IL1RAPL2: variants seen among roughly 807,000 people sequenced by gnomAD.
IL1RAPL2 encodes X-linked interleukin-1 receptor accessory protein-like 2.
IL1RAPL2 carries 3 observed loss-of-function variants against 44.1 expected under a neutral mutation model. The ratio of observed to expected loss-of-function variants is 0.07; its 90% confidence interval spans 0.03 to 0.18. The LOEUF (loss-of-function observed/expected upper bound fraction) is 0.18, where lower values mean the gene tolerates loss of function less well. IL1RAPL2 is among the 10% of genes least tolerant of loss of function. The pLI, the probability that IL1RAPL2 is intolerant of heterozygous loss-of-function variation, is 1.00. For synonymous variants in IL1RAPL2, 181 were observed against 178.8 expected (o/e 1.01, Z -0.10); for missense variants, 391 against 496.4 (o/e 0.79, Z 2.02).
chrX:105,297,270 G>T (rs1158309217), intron 5 of IL1RAPL2, among the ~76,000 whole-genome samples: 1 of 111,795 alleles, frequency 8.9e-6, no homozygotes, highest in Non-Finnish European at 1.9e-5. Context: ...AGTAATAAAA[G>T]ATGAGGCCAG....
At chrX:105,438,230 A>C (rs1431010536) in intron 5 of IL1RAPL2, among the ~76,000 whole-genome samples, 1 of 111,750 alleles carries the variant, frequency 8.9e-6, no homozygotes, top group Non-Finnish European at 1.9e-5. Flanking sequence ...GCAATGGCAC[A>C]GAGGTTGATG....
chrX:105,132,162 G>GAAAAAAA (rs764917479), intron 2 of IL1RAPL2, among the ~76,000 whole-genome samples: 1 of 90,388 alleles, frequency 1.1e-5, no homozygotes, highest in Non-Finnish European at 2.3e-5. Flanking sequence ...AAAGAATCAA[G>GAAAAAAA]AAAAAAAAAA....
intron 2 of IL1RAPL2, among the ~76,000 whole-genome samples, chrX:104,981,952 T>C (rs1159877392): frequency 9.0e-6 from 1 of 110,532 alleles, no homozygotes; most frequent in African/African-American, 3.3e-5. Context: ...TTACAATGGA[T>C]GCAAAGAAGG....
intron 2 of IL1RAPL2, among the ~76,000 whole-genome samples, chrX:105,185,441 A>G (rs1333834304): frequency 8.9e-6 from 1 of 112,026 alleles, no homozygotes; most frequent in East Asian, 2.8e-4. Flanking sequence ...AGACTTTCCA[A>G]GTGATCACAT....
chrX:104,891,186 G>C (rs1923426857), intron 2 of IL1RAPL2, among the ~76,000 whole-genome samples: 1 of 111,811 alleles, frequency 8.9e-6, no homozygotes, highest in African/African-American at 3.3e-5. Flanking sequence ...GTACCATGCT[G>C]TTTTGGTTAC....
At chrX:104,806,654 G>T (rs1484539748) in intron 2 of IL1RAPL2, among the ~76,000 whole-genome samples, 1 of 112,871 alleles carries the variant, frequency 8.9e-6, no homozygotes, top group African/African-American at 3.2e-5. Context: ...CACTTGCCAT[G>T]GGGCTGGCTT....
At chrX:105,473,744 T>A in intron 5 of IL1RAPL2, among the ~76,000 whole-genome samples, 1 of 111,991 alleles carries the variant, frequency 8.9e-6, no homozygotes, top group Non-Finnish European at 1.9e-5. Flanking sequence ...ACCTGCCCAA[T>A]CTAGTCAAAT....
chrX:105,491,183 A>G (rs768512666), intron 6 of IL1RAPL2, among the ~76,000 whole-genome samples: 1 of 111,856 alleles, frequency 8.9e-6, no homozygotes, highest in Non-Finnish European at 1.9e-5. Flanking sequence ...ATGTCAAACT[A>G]GAATTATTGT....
At chrX:104,945,462 A>G (rs1347669808) in intron 2 of IL1RAPL2, among the ~76,000 whole-genome samples, 2 of 111,008 alleles carry the variant, frequency 1.8e-5, no homozygotes, top group African/African-American at 6.5e-5. Flanking sequence ...TAACTAAGAA[A>G]ATGTTTAAAT....
rs776355978 is a variant in IL1RAPL2, at chrX:104,840,675, CT to C, written c.82+181696del. Among the ~76,000 whole-genome samples the C allele has an allele frequency of 3.5e-3, 329 of 94,791 alleles. 1 individual carries two copies. Among genetic ancestry groups the C allele is most frequent in the Middle Eastern group, 0.01 (2 of 193 alleles). The allele number at this position is 94,791 out of a possible 115,157, so 82.3% of individuals were successfully genotyped here. On this transcript the variant is annotated intron_variant, in intron 2 of 10. Coordinates refer to ENST00000372582, the MANE Select transcript of IL1RAPL2 (RefSeq NM_017416.2). ...GACAGTGGGATGTTAAAGTCTCTCA[CT>C]TTTTTTTTTTTTTTTGAGACAGAGT...
At chrX:104,997,272 C>T (rs1462402586) in intron 2 of IL1RAPL2, among the ~76,000 whole-genome samples, 2 of 111,561 alleles carry the variant, frequency 1.8e-5, no homozygotes, top group African/African-American at 6.5e-5. Flanking sequence ...TTATGGACTA[C>T]ATATTGAAAT....
intron 2 of IL1RAPL2, among the ~76,000 whole-genome samples, chrX:104,856,296 A>G (rs930471643): frequency 1.8e-5 from 2 of 112,237 alleles, no homozygotes; most frequent in Admixed American, 1.9e-4. Flanking sequence ...GTTACCTTGT[A>G]TTCAAATATT....
At chrX:105,463,569 C>CT (rs1491109960) in intron 5 of IL1RAPL2, among the ~76,000 whole-genome samples, 27 of 24,481 alleles carry the variant, frequency 1.1e-3, no homozygotes, top group African/African-American at 2.8e-3. Context: ...CTCTCTCTCT[C>CT]CCACACACAC....
intron 2 of IL1RAPL2, among the ~76,000 whole-genome samples, chrX:104,832,877 A>G (rs189186876): frequency 7.2e-5 from 8 of 111,513 alleles, no homozygotes; most frequent in African/African-American, 2.3e-4. Context: ...CAGTTGAAAA[A>G]AAGTTGATTT....
At chrX:105,657,984 A>T (rs2037688923) in intron 6 of IL1RAPL2, among the ~76,000 whole-genome samples, 2 of 111,024 alleles carry the variant, frequency 1.8e-5, no homozygotes, top group Admixed American at 1.9e-4. Flanking sequence ...ATTAAAAAAA[A>T]AAAGGACTTT....
intron 2 of IL1RAPL2, among the ~76,000 whole-genome samples, chrX:105,005,572 T>C (rs190440499): frequency 1.2e-4 from 13 of 111,178 alleles, no homozygotes; most frequent in African/African-American, 4.2e-4. Flanking sequence ...CATTTCTTTC[T>C]TTCTCTTATA....
rs1028212581 is a variant in IL1RAPL2, at chrX:104,840,081, T to C, written c.82+181086T>C. ...TGTCCCCTTCACTTCTGCTCTAATG[T>C]TAGTTATTTTTTGTTTTCTGCTAGC... On this transcript the variant is annotated intron_variant, in intron 2 of 10. Coordinates refer to ENST00000372582, the MANE Select transcript of IL1RAPL2 (RefSeq NM_017416.2). Among the ~76,000 whole-genome samples, 4 of 111,814 alleles carry C rather than the reference T, an allele frequency of 3.6e-5. No homozygotes were observed. The South Asian group carries it at 1.1e-3, about 31-fold the overall frequency.
chrX:104,931,990 A>ATTT, intron 2 of IL1RAPL2, among the ~76,000 whole-genome samples: 1 of 33,451 alleles, frequency 3.0e-5, no homozygotes, highest in East Asian at 1.1e-3. Context: ...ATATATATAT[A>ATTT]TATATATTTT....
At chrX:105,122,960 T>A (rs1159622567) in intron 2 of IL1RAPL2, among the ~76,000 whole-genome samples, 1 of 111,467 alleles carries the variant, frequency 9.0e-6, no homozygotes, top group African/African-American at 3.3e-5. Context: ...GATAAATATT[T>A]ATGAGGCTTT....
Sources: allele counts gnomAD v4.1 joint callset (sites outside exome capture counted in the v4.1 genomes callset), GRCh38; gene constraint gnomAD v4.1.1; transcripts MANE v1.5; gene names NCBI Gene and HGNC (gene_info 2026-07-23, HGNC 2026-07-21).